RAB31: variants seen among roughly 807,000 people sequenced by gnomAD.
RAB31 encodes ras-related protein Rab-31.
RAB31 carries 21 observed loss-of-function variants against 25.6 expected under a neutral mutation model. The observed-to-expected ratio is 0.82, with a 90% CI of 0.58 to 1.18. RAB31 has a LOEUF of 1.18. Among genes scored for constraint, RAB31 ranks in the 50% most tolerant of loss-of-function variants. The probability of loss-of-function intolerance (pLI) is 0.00; values close to 1 mark genes in which losing one functional copy is unlikely to be tolerated. For missense variants in RAB31, 196 were observed against 250.1 expected (o/e 0.78, Z 1.46); for synonymous variants, 87 against 84.0 (o/e 1.04, Z -0.20).
chr18:9,715,530 T>TC (rs1568160150), intron 1 of RAB31, among the ~76,000 whole-genome samples: 124 of 78,812 alleles, frequency 1.6e-3, no homozygotes, highest in African/African-American at 4.4e-3. Context: ...CTCTCTCTCT[T>TC]TTTTTTTTTT....
chr18:9,710,227 A>G (rs1316878228), intron 1 of RAB31, among the ~76,000 whole-genome samples: 1 of 152,142 alleles, frequency 6.6e-6, no homozygotes, highest in Non-Finnish European at 1.5e-5. Context: ...CGTTTTAGCA[A>G]AGCAACTCAG....
intron 1 of RAB31, among the ~76,000 whole-genome samples, chr18:9,756,447 T>A (rs181834702): frequency 5.9e-5 from 9 of 152,340 alleles, no homozygotes; most frequent in Non-Finnish European, 1.0e-4. Flanking sequence ...TTAAATCACA[T>A]CTGTTGTAAT....
chr18:9,731,178 CAA>C (rs1175836149), intron 1 of RAB31, among the ~76,000 whole-genome samples: 6 of 152,150 alleles, frequency 3.9e-5, no homozygotes, highest in Admixed American at 2.6e-4. Flanking sequence ...CTCCTGGACT[CAA>C]GTGATCGTCC....
chr18:9,819,081 C>T (rs1289007613), intron 5 of RAB31, among the ~76,000 whole-genome samples: 1 of 152,170 alleles, frequency 6.6e-6, no homozygotes, highest in Admixed American at 6.5e-5. Flanking sequence ...TGTGGATTAT[C>T]TTTTCACAAT....
intron 5 of RAB31, among the ~76,000 whole-genome samples, chr18:9,833,187 G>T (rs2068687861): frequency 6.6e-6 from 1 of 152,242 alleles, no homozygotes; most frequent in Admixed American, 6.5e-5. Flanking sequence ...CAGGAAGGCC[G>T]GATGGCTGCT....
At chr18:9,726,047 G>C (rs2145461751) in intron 1 of RAB31, 1 of 152,290 alleles carries the variant, frequency 6.6e-6, no homozygotes, top group African/African-American at 2.4e-5. Flanking sequence ...CAGAGGCTTA[G>C]CCATGTGAAA....
chr18:9,738,653 A>G (rs895077472), intron 1 of RAB31, among the ~76,000 whole-genome samples: 55 of 152,154 alleles, frequency 3.6e-4, no homozygotes, highest in African/African-American at 1.3e-3. Context: ...CCTGTGTAAC[A>G]TCCTTTATAA....
At chr18:9,721,486 C>T (rs1016517052) in intron 1 of RAB31, among the ~76,000 whole-genome samples, 5 of 151,944 alleles carry the variant, frequency 3.3e-5, no homozygotes, top group Admixed American at 2.6e-4. Context: ...TGTGGTGGTG[C>T]ATGCCTGTAA....
At chr18:9,834,743 A>G (rs2068695855) in intron 5 of RAB31, among the ~76,000 whole-genome samples, 1 of 152,234 alleles carries the variant, frequency 6.6e-6, no homozygotes, top group African/African-American at 2.4e-5. Flanking sequence ...GCTAAAAGCC[A>G]TCAGCTACTG....
At chr18:9,728,592 C>T (rs757915956) in intron 1 of RAB31, among the ~76,000 whole-genome samples, 8 of 152,148 alleles carry the variant, frequency 5.3e-5, no homozygotes, top group Non-Finnish European at 1.2e-4. Context: ...GGCAGGAGTG[C>T]AGTGGTACAA....
chr18:9,710,623 C>T (rs1376567598), intron 1 of RAB31, among the ~76,000 whole-genome samples: 1 of 151,994 alleles, frequency 6.6e-6, no homozygotes, highest in South Asian at 2.1e-4. Context: ...GAGGCTGAGG[C>T]GGGGGGATCA....
intron 5 of RAB31, among the ~76,000 whole-genome samples, chr18:9,820,678 C>G (rs1427199618): frequency 6.6e-6 from 1 of 151,994 alleles, no homozygotes; most frequent in East Asian, 1.9e-4. Context: ...ATCTCATAAT[C>G]TTTTTTTCTT....
intron 6 of RAB31, among the ~76,000 whole-genome samples, chr18:9,858,580 T>C (rs1409731117): frequency 2.0e-5 from 3 of 152,182 alleles, no homozygotes; most frequent in Non-Finnish European, 4.4e-5. Context: ...TGTGTTTATT[T>C]ATAGAGACTT....
chr18:9,745,126 C>A (rs1294357169), intron 1 of RAB31, among the ~76,000 whole-genome samples: 1 of 152,148 alleles, frequency 6.6e-6, no homozygotes, highest in Non-Finnish European at 1.5e-5. Context: ...TGGGACATTA[C>A]TACTGACCTT....
intron 1 of RAB31, among the ~76,000 whole-genome samples, chr18:9,731,858 G>C (rs1276628510): frequency 2.0e-5 from 3 of 152,112 alleles, no homozygotes; most frequent in Non-Finnish European, 4.4e-5. Context: ...AGCTCCCAAA[G>C]TGCCTGGATT....
intron 2 of RAB31, among the ~76,000 whole-genome samples, chr18:9,780,031 C>T (rs1176464974): frequency 6.6e-6 from 1 of 152,040 alleles, no homozygotes; most frequent in South Asian, 2.1e-4. Flanking sequence ...CAAAAATTAA[C>T]TGGGTGTAGT....
chr18:9,711,159 G>A (rs1398964681), intron 1 of RAB31, among the ~76,000 whole-genome samples: 1 of 150,028 alleles, frequency 6.7e-6, no homozygotes, highest in Non-Finnish European at 1.5e-5. Context: ...GACTGTCTTC[G>A]GTTTACTCTC....
At chr18:9,831,711 C>T (rs981490361) in intron 5 of RAB31, among the ~76,000 whole-genome samples, 12 of 152,306 alleles carry the variant, frequency 7.9e-5, no homozygotes, top group Admixed American at 4.6e-4. Context: ...TGGGGACTGC[C>T]GTGAACTCTT....
intron 5 of RAB31, among the ~76,000 whole-genome samples, chr18:9,845,246 T>C (rs1316227909): frequency 1.3e-5 from 2 of 152,178 alleles, no homozygotes; most frequent in African/African-American, 2.4e-5. Flanking sequence ...TATTGAGTCA[T>C]GTAATGGGGA....
Sources: gnomAD v4.1 joint callset for allele counts (sites outside exome capture counted in the v4.1 genomes callset) on GRCh38, gnomAD v4.1.1 for gene constraint, MANE v1.5 for transcripts, NCBI Gene and HGNC (gene_info 2026-07-23, HGNC 2026-07-21) for gene names.